The following SRD5A2 variants were observed in gnomAD, a reference collection of about 807,000 sequenced individuals.
The protein encoded by SRD5A2 is 3-oxo-5-alpha-steroid 4-dehydrogenase 2.
In SRD5A2, 30 loss-of-function variants were observed where a neutral mutation model predicts 27.4. That is an observed-to-expected ratio of 1.10 (90% CI 0.82 to 1.49). The LOEUF is 1.49. Ranked by LOEUF, SRD5A2 falls within the 40% of genes most tolerant of loss-of-function variation. SRD5A2 has a pLI of 0.00. For synonymous variants in SRD5A2, 141 were observed against 133.6 expected (o/e 1.06, Z -0.38); for missense variants, 348 against 323.4 (o/e 1.08, Z -0.58).
chr2:31,579,719 GGGCATGGTA>G (rs1433371753), intron 1 of SRD5A2, among the ~76,000 whole-genome samples: 1 of 152,186 alleles, frequency 6.6e-6, no homozygotes, highest in Non-Finnish European at 1.5e-5. Context: ...CTAAACGATT[GGGCATGGTA>G]GGCAATTTAA....
intron 1 of SRD5A2, among the ~76,000 whole-genome samples, chr2:31,574,964 G>A (rs1265708187): frequency 6.6e-6 from 1 of 152,176 alleles, no homozygotes; most frequent in African/African-American, 2.4e-5. Flanking sequence ...GTGAGTTGCT[G>A]CAATAGAGAT....
upstream of SRD5A2, among the ~76,000 whole-genome samples, chr2:31,583,487 A>T (rs756375187): frequency 5.3e-5 from 8 of 152,254 alleles, no homozygotes; most frequent in African/African-American, 1.9e-4. Flanking sequence ...AAAGTGCCCA[A>T]TTATAAATAT....
the SRD5A2 span, among the ~76,000 whole-genome samples, chr2:31,615,028 A>G: frequency 3.3e-5 from 5 of 152,084 alleles, no homozygotes; most frequent in Non-Finnish European, 7.4e-5. Flanking sequence ...ACCATGTAAG[A>G]CATGCCTTTC....
chr2:31,596,233 CA>C, the SRD5A2 span, among the ~76,000 whole-genome samples: 1 of 151,788 alleles, frequency 6.6e-6, no homozygotes, highest in African/African-American at 2.4e-5. Flanking sequence ...ACTAAATTTA[CA>C]AAAATTAGCT....
chr2:31,654,348 T>C, the SRD5A2 span, among the ~76,000 whole-genome samples: 1 of 152,170 alleles, frequency 6.6e-6, no homozygotes, highest in African/African-American at 2.4e-5. Flanking sequence ...AAAACCTGCA[T>C]CCTTTATTTA....
At chr2:31,570,195 T>G (rs551541945) in intron 1 of SRD5A2, among the ~76,000 whole-genome samples, 1 of 152,142 alleles carries the variant, frequency 6.6e-6, no homozygotes, top group Non-Finnish European at 1.5e-5. Context: ...CAAGCAGGCT[T>G]TATCCCTGGG....
At chr2:31,629,067 G>A in the SRD5A2 span, among the ~76,000 whole-genome samples, 1 of 152,034 alleles carries the variant, frequency 6.6e-6, no homozygotes. Flanking sequence ...AACTAGGGTG[G>A]TGCTTGGCCA....
intron 1 of SRD5A2, among the ~76,000 whole-genome samples, chr2:31,559,618 C>G (rs575408323): frequency 6.6e-6 from 1 of 151,984 alleles, no homozygotes; most frequent in South Asian, 2.1e-4. Context: ...AGGCCATAAA[C>G]ATAGATGTAT....
At chr2:31,644,512 G>A in the SRD5A2 span, among the ~76,000 whole-genome samples, 14 of 152,246 alleles carry the variant, frequency 9.2e-5, no homozygotes, top group Admixed American at 3.3e-4. Flanking sequence ...TGGATCCCTC[G>A]CATGTGCAGT....
chr2:31,645,098 C>T, the SRD5A2 span, among the ~76,000 whole-genome samples: 1 of 152,184 alleles, frequency 6.6e-6, no homozygotes, highest in Non-Finnish European at 1.5e-5. Context: ...TCTGGCATCA[C>T]ACTTGTTTCT....
At chr2:31,573,368 T>A (rs1334741538) in intron 1 of SRD5A2, among the ~76,000 whole-genome samples, 1 of 152,220 alleles carries the variant, frequency 6.6e-6, no homozygotes, top group Non-Finnish European at 1.5e-5. Context: ...TTTTAAAATT[T>A]AGAGCTCCTA....
At chr2:31,636,057 A>AT in the SRD5A2 span, among the ~76,000 whole-genome samples, 7 of 151,554 alleles carry the variant, frequency 4.6e-5, no homozygotes, top group South Asian at 2.1e-4. Flanking sequence ...AAATTTTAGG[A>AT]TTTTTTTTCT....
the SRD5A2 span, among the ~76,000 whole-genome samples, chr2:31,656,565 G>A: frequency 6.6e-6 from 1 of 152,168 alleles, no homozygotes; most frequent in Admixed American, 6.5e-5. Flanking sequence ...TACGTTGGGG[G>A]AAAATAGCTG....
Position 31,580,938 on chromosome 2 carries a change from G to A in SRD5A2, c.-38C>T. ...CTCGCCGGTGGCCGCTGCCCTCCCAGAAGAGAGCGCGGCCCCCGCAACCCC... is the reference window on the plus strand; with the variant it reads ...CTCGCCGGTGGCCGCTGCCCTCCCAAAAGAGAGCGCGGCCCCCGCAACCCC... On this transcript the variant is annotated 5_prime_UTR_variant, in exon 1 of 5. Transcript: ENST00000622030. The A allele has an allele frequency of 6.4e-7, 1 of 1,571,362 alleles. No individual in the cohort carries two copies. Among genetic ancestry groups the A allele is most frequent in the Non-Finnish European group, 8.6e-7 (1 of 1,158,392 alleles).
At chr2:31,532,618 C>T (rs150055809) in intron 2 of SRD5A2, among the ~76,000 whole-genome samples, 2 of 150,898 alleles carry the variant, frequency 1.3e-5, no homozygotes, top group African/African-American at 4.9e-5. Context: ...GAGGCCCAAC[C>T]CAACCTGTCA....
the SRD5A2 span, among the ~76,000 whole-genome samples, chr2:31,653,313 T>C: frequency 1.3e-5 from 2 of 152,144 alleles, no homozygotes; most frequent in African/African-American, 4.8e-5. Flanking sequence ...AGCCAAAAAG[T>C]GTCCCTCCAT....
intron 1 of SRD5A2, among the ~76,000 whole-genome samples, chr2:31,569,554 A>G (rs949225817): frequency 2.6e-4 from 40 of 152,194 alleles, no homozygotes; most frequent in Non-Finnish European, 2.5e-4. Flanking sequence ...TTGGCAAAGT[A>G]TCTGTTCATA....
At chr2:31,628,163 G>A in the SRD5A2 span, among the ~76,000 whole-genome samples, 1 of 151,962 alleles carries the variant, frequency 6.6e-6, no homozygotes, top group African/African-American at 2.4e-5. Flanking sequence ...TCCTGTGTGG[G>A]GTGCATATAT....
chr2:31,540,433 A>C (rs1666106379), intron 1 of SRD5A2, among the ~76,000 whole-genome samples: 2 of 152,210 alleles, frequency 1.3e-5, no homozygotes, highest in Non-Finnish European at 2.9e-5. Flanking sequence ...ATAACCAAAC[A>C]ATAGGTTGAT....
Sources: gnomAD v4.1 joint callset for allele counts (sites outside exome capture counted in the v4.1 genomes callset) on GRCh38, gnomAD v4.1.1 for gene constraint, MANE v1.5 for transcripts, NCBI Gene and HGNC (gene_info 2026-07-23, HGNC 2026-07-21) for gene names.